CPPED1: variants seen among roughly 807,000 people sequenced by gnomAD.
CPPED1 encodes the protein serine/threonine-protein phosphatase CPPED1.
Under a neutral mutation model 28.0 loss-of-function variants are expected in CPPED1, and 28 were observed. The ratio of observed to expected loss-of-function variants is 1.00; its 90% CI spans 0.74 to 1.37. CPPED1 has a LOEUF of 1.37. CPPED1 is among the 40% of genes most tolerant of loss of function. The probability of loss-of-function intolerance (pLI) is 0.00; values close to 1 mark genes in which losing one functional copy is unlikely to be tolerated. For missense variants in CPPED1, 504 were observed against 416.5 expected, an observed-to-expected ratio of 1.21 and a Z score of -1.83; for synonymous variants, 198 against 180.2, an observed-to-expected ratio of 1.10 and a Z score of -0.79.
chr16:12,717,631 C>T (rs145663792), intron 2 of CPPED1, among the ~76,000 whole-genome samples: 356 of 152,022 alleles, frequency 2.3e-3, no homozygotes, highest in Non-Finnish European at 4.1e-3. Flanking sequence ...GACAGACACA[C>T]ACACACATAA....
chr16:12,749,003 T>C (rs554198423), intron 2 of CPPED1, among the ~76,000 whole-genome samples: 7 of 151,942 alleles, frequency 4.6e-5, no homozygotes, highest in Non-Finnish European at 8.8e-5. Context: ...TGAATCACAA[T>C]CTTTTTGCTA....
At chr16:12,705,129 A>G in intron 2 of CPPED1, 80 bp from the exon 3 acceptor site, 1 of 1,385,556 alleles carries the variant, frequency 7.2e-7, no homozygotes, top group Non-Finnish European at 9.7e-7. Context: ...TTACTAACAT[A>G]AAATTTAAAA....
chr16:12,742,831 G>C (rs535098429), intron 2 of CPPED1, among the ~76,000 whole-genome samples: 18 of 152,142 alleles, frequency 1.2e-4, no homozygotes, highest in Non-Finnish European at 2.4e-4. Flanking sequence ...TCCTGGCTGT[G>C]ATTTATCTCA....
chr16:12,796,778 G>C (rs1259273787), intron 1 of CPPED1, among the ~76,000 whole-genome samples: 1 of 152,122 alleles, frequency 6.6e-6, no homozygotes, highest in African/African-American at 2.4e-5. Context: ...GTCTGTGACT[G>C]TTCATAGCAG....
intron 2 of CPPED1, among the ~76,000 whole-genome samples, chr16:12,777,028 T>C (rs565945649): frequency 1.3e-5 from 2 of 152,198 alleles, no homozygotes; most frequent in African/African-American, 4.8e-5. Context: ...AGTCTGAAAT[T>C]TGTCTTTATC....
At chr16:12,738,156 G>C (rs1159645806) in intron 2 of CPPED1, among the ~76,000 whole-genome samples, 4 of 152,162 alleles carry the variant, frequency 2.6e-5, no homozygotes, top group Non-Finnish European at 5.9e-5. Flanking sequence ...GTAAAGGATT[G>C]TTGTGTTCTT....
chr16:12,660,747 C>T lies in CPPED1; in HGVS notation c.*4139G>A, dbSNP rs149231038. 7 of 152,310 alleles carry T rather than the reference C, an allele frequency of 4.6e-5. No individual in the cohort carries two copies. Among genetic ancestry groups the T allele is most frequent in the African/African-American group, 1.7e-4 (7 of 41,560 alleles). 9.4% of individuals were successfully genotyped at this position (152,310 alleles called of 1,614,324 possible). A position where few individuals can be genotyped will look rare whatever the true frequency, so the allele number is the denominator to read the frequency against. ...CCTAAATCTTCTTTTTCCTCCAGCT[C>T]AATATAATATTGCTACCTAATATTG... is the stretch of plus-strand genomic sequence containing the variant. On this transcript the variant is annotated 3_prime_UTR_variant, in exon 4 of 4. Transcript: ENST00000381774.
intron 2 of CPPED1, among the ~76,000 whole-genome samples, chr16:12,717,862 G>A (rs1001340867): frequency 1.3e-5 from 2 of 151,396 alleles, no homozygotes; most frequent in African/African-American, 2.4e-5. Flanking sequence ...GGCTAGTCTC[G>A]AACTCCTGAC....
intron 2 of CPPED1, among the ~76,000 whole-genome samples, chr16:12,772,257 C>T (rs367845504): frequency 1.3e-5 from 2 of 152,196 alleles, no homozygotes; most frequent in African/African-American, 4.8e-5. Flanking sequence ...GAACAGCTAC[C>T]AAACTAGATG....
intron 1 of CPPED1, among the ~76,000 whole-genome samples, chr16:12,785,926 G>A (rs1356834150): frequency 6.8e-6 from 1 of 146,546 alleles, no homozygotes; most frequent in Non-Finnish European, 1.5e-5. Context: ...GACAGTATTT[G>A]TCATTACTGG....
At chr16:12,717,712 G>A (rs920145349) in intron 2 of CPPED1, among the ~76,000 whole-genome samples, 9 of 152,020 alleles carry the variant, frequency 5.9e-5, no homozygotes, top group Non-Finnish European at 1.0e-4. Context: ...ACAAATCTTG[G>A]CTCCCTACAA....
intron 2 of CPPED1, among the ~76,000 whole-genome samples, chr16:12,765,409 T>TAGCA (rs2080432786): frequency 6.6e-6 from 1 of 152,260 alleles, no homozygotes. Flanking sequence ...GTTGAATCTG[T>TAGCA]ACTGTTAACC....
intron 2 of CPPED1, among the ~76,000 whole-genome samples, chr16:12,763,293 C>T (rs555903129): frequency 1.3e-4 from 20 of 151,882 alleles, no homozygotes; most frequent in Admixed American, 1.1e-3. Context: ...CAAACTCCTG[C>T]GTTCAGGCTA....
chr16:12,758,863 A>G (rs1233461799), intron 2 of CPPED1, among the ~76,000 whole-genome samples: 1 of 152,076 alleles, frequency 6.6e-6, no homozygotes, highest in Admixed American at 6.6e-5. Context: ...CAATGACAAC[A>G]GCAACAACAA....
At chr16:12,693,093 C>A (rs1277452512) in intron 3 of CPPED1, among the ~76,000 whole-genome samples, 4 of 152,226 alleles carry the variant, frequency 2.6e-5, no homozygotes, top group Admixed American at 1.3e-4. Flanking sequence ...CTGCTCCTTA[C>A]AACTGACGTG....
intron 3 of CPPED1, among the ~76,000 whole-genome samples, chr16:12,697,536 G>A (rs1333754443): frequency 7.9e-5 from 12 of 152,202 alleles, no homozygotes; most frequent in Admixed American, 6.5e-4. Context: ...GACACATACA[G>A]AATGTGGACA....
intron 3 of CPPED1, among the ~76,000 whole-genome samples, chr16:12,687,703 C>G (rs1481669239): frequency 6.6e-6 from 1 of 152,124 alleles, no homozygotes; most frequent in African/African-American, 2.4e-5. Flanking sequence ...ATGGTTATTC[C>G]ACAACCCTGA....
intron 2 of CPPED1, among the ~76,000 whole-genome samples, chr16:12,705,925 T>C (rs1043044813): frequency 6.6e-6 from 1 of 152,218 alleles, no homozygotes; most frequent in African/African-American, 2.4e-5. Flanking sequence ...CCTGTTGATG[T>C]ATATTTGTTT....
chr16:12,723,177 T>G (rs1015618887), intron 2 of CPPED1, among the ~76,000 whole-genome samples: 3 of 152,186 alleles, frequency 2.0e-5, no homozygotes, highest in African/African-American at 7.2e-5. Flanking sequence ...CACATACACA[T>G]GCACACAGGG....
Sources: allele counts gnomAD v4.1 joint callset (sites outside exome capture counted in the v4.1 genomes callset), GRCh38; gene constraint gnomAD v4.1.1; transcripts MANE v1.5; gene names NCBI Gene and HGNC (gene_info 2026-07-23, HGNC 2026-07-21).